The following MYO7B variants were observed in gnomAD, a reference collection of about 807,000 sequenced individuals.
MYO7B encodes the protein myosin VIIB.
Under a neutral mutation model 259.7 loss-of-function variants are expected in MYO7B, and 212 were observed. That is an observed-to-expected ratio of 0.82 (90% confidence interval 0.73 to 0.91). MYO7B has a LOEUF of 0.91. Ranked by LOEUF, MYO7B falls within the 40% of genes least tolerant of loss-of-function variation. The pLI, the probability that MYO7B is intolerant of heterozygous loss-of-function variation, is 0.00. For missense variants in MYO7B, 2,732 were observed against 2,813.5 expected (o/e 0.97, Z 0.66); for synonymous variants, 1,197 against 1,166.4 (o/e 1.03, Z -0.54).
At position 127,613,961 on chromosome 2, in the gene MYO7B, T is replaced by C. The variant is rs112290918; in HGVS notation, c.3398+1358T>C. ...ATTTCCCTTCTCACTTTCAAGCTACTGTGGGTACCCTAAACTCTCTCCTCT... is the reference window on the plus strand; with the variant it reads ...ATTTCCCTTCTCACTTTCAAGCTACCGTGGGTACCCTAAACTCTCTCCTCT... On this transcript the variant is annotated intron_variant, in intron 26 of 47. Coordinates refer to ENST00000409816, the MANE Select transcript of MYO7B (RefSeq NM_001393586.1). This position sits in a 1 kb window ranked among gnomAD's most constrained non-coding sequence, Gnocchi z 4.3. Among the ~76,000 whole-genome samples the C allele has an allele frequency of 8.4e-3, 1,282 of 152,266 alleles. 20 individuals carry two copies. Among genetic ancestry groups the C allele is most frequent in the African/African-American group, 0.029 (1,205 of 41,544 alleles).
chr2:127,544,793 G>A (rs1162945288), intron 1 of MYO7B, among the ~76,000 whole-genome samples: 1 of 151,942 alleles, frequency 6.6e-6, no homozygotes, highest in East Asian at 1.9e-4. Context: ...TATTAGCCAG[G>A]ATGGTCTCGA....
chr2:127,620,327 C>A lies in MYO7B; in HGVS notation c.3399-13C>A. On this transcript the variant is annotated splice_polypyrimidine_tract_variant and intron_variant, in intron 26 of 47. Coordinates refer to ENST00000409816, the MANE Select transcript of MYO7B (RefSeq NM_001393586.1). The stretch of plus-strand genomic sequence containing the variant: ...GCCCCCAGCCTACTCTCCTAATGGT[C>A]TGTGTCTTTCAGGGATGAGATTTAC... 3 of 1,609,264 alleles carry A rather than the reference C, an allele frequency of 1.9e-6. No homozygotes were observed. Among genetic ancestry groups the A allele is most frequent in the South Asian group, 1.1e-5 (1 of 90,382 alleles).
At chr2:127,619,056 TGTG>T (rs72313571) in intron 26 of MYO7B, among the ~76,000 whole-genome samples, 17,569 of 58,920 alleles carry the variant, frequency 0.3, 1,688 homozygotes, top group South Asian at 0.41. Context: ...CTGGTTGGAT[TGTG>T]GGGGCTGGTT....
chr2:127,592,650 T>C (rs1024829240), intron 16 of MYO7B, 144 bp from the exon 17 acceptor site: 2 of 935,550 alleles, frequency 2.1e-6, no homozygotes, highest in African/African-American at 5.6e-5. Context: ...CTTCCATCTC[T>C]GGAGGACAGT....
intron 39 of MYO7B, among the ~76,000 whole-genome samples, chr2:127,632,911 G>A (rs114370893): frequency 0.036 from 5,557 of 152,258 alleles, 194 homozygotes; most frequent in East Asian, 0.14. Context: ...AGAGGTGGGC[G>A]CCCCATAGAG....
At chr2:127,620,568 C>T in intron 27 of MYO7B, 102 bp downstream of exon 27, 2 of 1,307,504 alleles carry the variant, frequency 1.5e-6, no homozygotes, top group Non-Finnish European at 2.0e-6. Context: ...AGTACGTGGC[C>T]CATTTCTCCT....
At position 127,631,635 on chromosome 2, in the gene MYO7B, C is replaced by T. The variant is rs1312149665; in HGVS notation, c.5131C>T (p.Gln1711Ter). ...GTACATGGGCGACTACCCTTCTCGG[C>T]AGGCCTGGCCCACCCTGGAGCTCAC... ...LRYMGDYPSR[Q>*]AWPTLELTDQ... Residue 1711 changes from glutamine to a stop codon, truncating the protein, a stop_gained, in exon 38 of 48, where the codon CAG becomes TAG. Coordinates refer to ENST00000409816, the MANE Select transcript of MYO7B (RefSeq NM_001393586.1). LOFTEE classifies it high-confidence loss of function. 1 of 1,613,140 alleles carries T rather than the reference C, an allele frequency of 6.2e-7. No homozygotes were observed. The highest frequency in any genetic ancestry group is 8.5e-7 in the Non-Finnish European group (1 of 1,179,848).
At chr2:127,593,395 C>A in intron 17 of MYO7B, 151 bp from the exon 18 acceptor site, 1 of 725,512 alleles carries the variant, frequency 1.4e-6, no homozygotes, top group Non-Finnish European at 2.3e-6. Context: ...AACCCCTATT[C>A]GAGGTTCCCG....
rs1379460756 is a variant in MYO7B, at chr2:127,585,058, G to C, written c.1690+145G>C. 13 of 1,091,924 alleles carry C rather than the reference G, an allele frequency of 1.2e-5. No individual in the cohort carries two copies. The highest frequency in any genetic ancestry group is 6.3e-5 in the African/African-American group (4 of 63,378). The allele number at this position is 1,091,924 out of a possible 1,614,324, so 67.6% of individuals were successfully genotyped here. A position where few individuals can be genotyped will look rare whatever the true frequency, so the allele number is the denominator to read the frequency against. On this transcript the variant is annotated intron_variant, in intron 14 of 47. Transcript: ENST00000409816. This position sits in a 1 kb window ranked among gnomAD's most constrained non-coding sequence, Gnocchi z 4.3. The stretch of plus-strand genomic sequence containing the variant: ...AGTAGTATGGCTTCTACTGGAGAAA[G>C]AAAATGGAGTGGACCGGGCATGTTT...
rs753678012 is a variant in MYO7B, at chr2:127,627,221, T to C, written c.4371T>C (p.Val1457=). 6.2e-7 allele frequency: 1 copy of C among 1,610,888 alleles called. No individual in the cohort carries two copies. Among genetic ancestry groups the C allele is most frequent in the East Asian group, 2.2e-5 (1 of 44,812 alleles). ...RLPKTQLILA[V]NWKGLCFLDQ... ...CCAAGACGCAGCTGATCTTGGCTGTTAACTGGAAGGGGCTTTGCTTCCTGG... is the reference window on the plus strand; with the variant it reads ...CCAAGACGCAGCTGATCTTGGCTGTCAACTGGAAGGGGCTTTGCTTCCTGG... Residue 1457 remains valine, a synonymous_variant, in exon 33 of 48, where the codon GTT becomes GTC. Coordinates refer to ENST00000409816, the MANE Select transcript of MYO7B (RefSeq NM_001393586.1). This position sits in a 1 kb window ranked among gnomAD's most constrained non-coding sequence, Gnocchi z 5.6.
At chr2:127,617,021 G>C (rs994610652) in intron 26 of MYO7B, among the ~76,000 whole-genome samples, 1 of 152,120 alleles carries the variant, frequency 6.6e-6, no homozygotes, top group African/African-American at 2.4e-5. Flanking sequence ...CCACTTTAGG[G>C]CTTAACCCTT....
In MYO7B at chr2:127,632,202, G is replaced by A. The variant is rs536847198; in HGVS notation, c.5250-44G>A. On this transcript the variant is annotated intron_variant, in intron 38 of 47. Transcript: ENST00000409816. The stretch of plus-strand genomic sequence containing the variant: ...TCCCCAAGGTGCCTGCCTGGCCAGG[G>A]CCCCCTGAGGGGCCTTTCCCGGCTG... 56 of 1,585,036 alleles carry A rather than the reference G, an allele frequency of 3.5e-5. No individual in the cohort carries two copies. The African/African-American group carries it at 7.1e-4, about 20-fold the overall frequency.
Position 127,607,236 on chromosome 2 carries a change from A to G in MYO7B, c.2455A>G (p.Ile819Val). Residue 819 changes from isoleucine to valine, a missense_variant, in exon 21 of 48, where the codon ATT becomes GTT. Coordinates refer to ENST00000409816, the MANE Select transcript of MYO7B (RefSeq NM_001393586.1). This position sits in a 1 kb window ranked among gnomAD's most constrained non-coding sequence, Gnocchi z 4.4. ...CGTGGGCTTTGAGCGCCTGCAGGCT[A>G]TTGCCCGGAGCCAGCCGCTGGCGAG... ...ILVGFERLQA[I>V]ARSQPLARQY... The G allele has an allele frequency of 1.3e-6, 2 of 1,550,094 alleles. No homozygotes were observed. The highest frequency in any genetic ancestry group is 1.2e-5 in the South Asian group (1 of 84,014).
chr2:127,582,051 G>A, intron 11 of MYO7B, 41 bp downstream of exon 11: 2 of 1,611,924 alleles, frequency 1.2e-6, no homozygotes, highest in Non-Finnish European at 1.7e-6. Flanking sequence ...GCCATCTGTT[G>A]ACCACGGCTC....
chr2:127,597,748 C>T lies in MYO7B; in HGVS notation c.2339+1192C>T, dbSNP rs1187827696. Among the ~76,000 whole-genome samples the T allele has an allele frequency of 6.6e-6, 1 of 152,102 alleles. No homozygotes were observed. Among genetic ancestry groups the T allele is most frequent in the Non-Finnish European group, 1.5e-5 (1 of 68,038 alleles). ...TTTCCGGGCTCAAGCTATCCTCCCA[C>T]CTCAGCCTCCAAAGTAGCTGGTACT... On this transcript the variant is annotated intron_variant, in intron 19 of 47. Transcript: ENST00000409816. This position sits in a 1 kb window ranked among gnomAD's most constrained non-coding sequence, Gnocchi z 4.8.
chr2:127,586,574 G>T lies in MYO7B; in HGVS notation c.1690+1661G>T, dbSNP rs1403877456. 6.6e-6 allele frequency among the ~76,000 whole-genome samples: 1 copy of T among 152,186 alleles called. No individual in the cohort carries two copies. Among genetic ancestry groups the T allele is most frequent in the Non-Finnish European group, 1.5e-5 (1 of 68,038 alleles). On this transcript the variant is annotated intron_variant, in intron 14 of 47. Transcript: ENST00000409816. This position sits in a 1 kb window ranked among gnomAD's most constrained non-coding sequence, Gnocchi z 4.8. ...GCTTTGGGCTCTTGGAAAAGGGAGA[G>T]GCTGGAGCCAGTCGGACCTGCAGGG...
rs556183301 is a variant in MYO7B, at chr2:127,614,402, A to G, written c.3398+1799A>G. The stretch of plus-strand genomic sequence containing the variant: ...ACATCTTTTGGTCAGCAGGAAGCTC[A>G]TGCCTGCCCAACCATACAGTACATG... On this transcript the variant is annotated intron_variant, in intron 26 of 47. Transcript: ENST00000409816. The surrounding 1 kb of genome is among the most constrained non-coding windows in gnomAD (Gnocchi z 4.6). Among the ~76,000 whole-genome samples, 6 of 152,268 alleles carry G rather than the reference A, an allele frequency of 3.9e-5. No individual in the cohort carries two copies. Among genetic ancestry groups the G allele is most frequent in the Non-Finnish European group, 7.4e-5 (5 of 68,014 alleles).
rs1344871864 is a variant in MYO7B, at chr2:127,559,265, G to A, written c.-23-435G>A. ...TTAACTGAGTGGCATTTCCTGCATT[G>A]AGTCCCATGTCTAAAGTGAGGGAAC... On this transcript the variant is annotated intron_variant, in intron 1 of 47. Coordinates refer to ENST00000409816, the MANE Select transcript of MYO7B (RefSeq NM_001393586.1). The surrounding 1 kb of genome is among the most constrained non-coding windows in gnomAD (Gnocchi z 4.1). Among the ~76,000 whole-genome samples, 1 of 152,186 alleles carries A rather than the reference G, an allele frequency of 6.6e-6. No homozygotes were observed. Among genetic ancestry groups the A allele is most frequent in the Non-Finnish European group, 1.5e-5 (1 of 68,038 alleles).
rs1396041291 is a variant in MYO7B, at chr2:127,622,023, C to G, written c.3567C>G (p.Gly1189=). The G allele has an allele frequency of 1.1e-5, 17 of 1,551,814 alleles. No homozygotes were observed. Among genetic ancestry groups the G allele is most frequent in the Non-Finnish European group, 1.5e-5 (17 of 1,147,012 alleles). ...TCGGCCAAGGGCCGGCGACCTACGGCCCCTTCTGTGCCGAGCGCCTGAGAC... is the reference window on the plus strand; with the variant it reads ...TCGGCCAAGGGCCGGCGACCTACGGGCCCTTCTGTGCCGAGCGCCTGAGAC... The part of the protein sequence containing the change: ...NFIGQGPATY[G]PFCAERLRRT... Residue 1189 remains glycine, a synonymous_variant, in exon 28 of 48, where the codon GGC becomes GGG. Transcript: ENST00000409816.
Sources: allele counts gnomAD v4.1 joint callset (sites outside exome capture counted in the v4.1 genomes callset), GRCh38; gene constraint gnomAD v4.1.1; non-coding constraint Gnocchi (gnomAD v3.1); transcripts MANE v1.5; gene names NCBI Gene and HGNC (gene_info 2026-07-23, HGNC 2026-07-21).